The following ZNF347 variants were observed in gnomAD, a reference collection of about 807,000 sequenced individuals.
ZNF347 encodes CTD-2620I22.7.
A neutral mutation model predicts 12.9 loss-of-function variants in ZNF347; 19 were observed. The ratio of observed to expected loss-of-function variants is 1.47; its 90% CI spans 1.03 to 2.16. The LOEUF (loss-of-function observed/expected upper bound fraction) is 2.16. Among genes scored for constraint, ZNF347 ranks in the 30% most tolerant of loss-of-function variants. The probability of loss-of-function intolerance (pLI) is 0.00; values close to 1 mark genes in which losing one functional copy is unlikely to be tolerated. For missense variants in ZNF347, 1,005 were observed against 990.6 expected, an observed-to-expected ratio of 1.01 and a Z score of -0.19; for synonymous variants, 328 against 340.6, an observed-to-expected ratio of 0.96 and a Z score of 0.41.
chr19:53,145,290 G>A (rs376713038), intron 4 of ZNF347, among the ~76,000 whole-genome samples: 705 of 124,000 alleles, frequency 5.7e-3, no homozygotes, highest in Middle Eastern at 9.0e-3. Flanking sequence ...AGTCTGTCTA[G>A]AAAAAAAAAA....
intron 2 of ZNF347, 58 bp downstream of exon 2, chr19:53,153,671 CAAAG>C: frequency 6.3e-7 from 1 of 1,595,638 alleles, no homozygotes; most frequent in Non-Finnish European, 8.6e-7. Flanking sequence ...TTCCCAACTT[CAAAG>C]AATGACATTT....
chr19:53,142,212 C>A lies in ZNF347; in HGVS notation c.616G>T (p.Glu206Ter), dbSNP rs777286158. 7.4e-6 allele frequency: 12 copies of A among 1,613,552 alleles called. No individual in the cohort carries two copies. Among genetic ancestry groups the A allele is most frequent in the Non-Finnish European group, 1.0e-5 (12 of 1,179,850 alleles). The change falls in exon 5 of 5, where the codon GAA becomes TAA. Residue 206 changes from glutamate (E) to a stop codon, truncating the protein, a stop_gained. Transcript: ENST00000334197. LOFTEE classifies it low-confidence loss of function (END_TRUNC). ...AAAGACTTCTCAACCTGATTACATT[C>A]ATAAATTTTCCCTTCATATTGAAAA... The part of the protein sequence containing the change: ...QLFQYEGKIY[E>*]CNQVEKSFNN...
rs1210620007 is a variant in ZNF347 at position 53,135,212 on chromosome 19, G to A, written c.*5096C>T. Reference sequence around the variant, plus strand: ...GCTGAGATCTGAGATTTGATGGATGGTGATGTTGGAAATCTTTTTATGTGC... The same window carrying A: ...GCTGAGATCTGAGATTTGATGGATGATGATGTTGGAAATCTTTTTATGTGC... On this transcript the variant is annotated 3_prime_UTR_variant, in exon 5 of 5. Transcript: ENST00000334197. The A allele has an allele frequency of 6.6e-6, 1 of 151,426 alleles. No homozygotes were observed. The highest frequency in any genetic ancestry group is 1.5e-5 in the Non-Finnish European group (1 of 67,954). The allele number at this position is 151,426 out of a possible 1,614,324, so 9.4% of individuals were successfully genotyped here.
rs2090376960 is a variant in ZNF347 at position 53,134,962 on chromosome 19, C to T, written c.*5346G>A. The T allele has an allele frequency of 6.6e-6, 1 of 152,044 alleles. No individual in the cohort carries two copies. The highest frequency in any genetic ancestry group is 1.5e-5 in the Non-Finnish European group (1 of 68,032). 9.4% of individuals were successfully genotyped at this position (152,044 alleles called of 1,614,324 possible). A position where few individuals can be genotyped will look rare whatever the true frequency, so the allele number is the denominator to read the frequency against. On this transcript the variant is annotated 3_prime_UTR_variant, in exon 5 of 5. Transcript: ENST00000334197. ...GATCTATAAAAATATAGATTTAATA[C>T]AAAGTTACCACAATCACAATGATAT...
At chr19:53,149,212 C>A in intron 3 of ZNF347, 29 bp downstream of exon 3, 2 of 1,609,868 alleles carry the variant, frequency 1.2e-6, no homozygotes, top group East Asian at 2.2e-5. Context: ...AGGGGCAGAT[C>A]CTGACTTCTG....
chr19:53,137,615 G>A lies in ZNF347; in HGVS notation c.*2693C>T, dbSNP rs955373183. Reference sequence around the variant, plus strand: ...AGTTCAATACACTTCCTGTGGAGAGGTGACAAATTAACATTACCAAAAACA... The same window carrying A: ...AGTTCAATACACTTCCTGTGGAGAGATGACAAATTAACATTACCAAAAACA... On this transcript the variant is annotated 3_prime_UTR_variant, in exon 5 of 5. Coordinates refer to ENST00000334197, the MANE Select transcript of ZNF347 (RefSeq NM_032584.3). 5 of 152,076 alleles carry A rather than the reference G, an allele frequency of 3.3e-5. No homozygotes were observed. The highest frequency in any genetic ancestry group is 1.2e-4 in the African/African-American group (5 of 41,400). The allele number at this position is 152,076 out of a possible 1,614,324, so 9.4% of individuals were successfully genotyped here.
At chr19:53,149,787 C>T (rs533770853) in intron 2 of ZNF347, among the ~76,000 whole-genome samples, 63 of 152,192 alleles carry the variant, frequency 4.1e-4, no homozygotes, top group Non-Finnish European at 7.6e-4. Context: ...CCCGAAAGGA[C>T]AGGGCCTGAA....
rs925386003 is a variant in ZNF347 at position 53,136,075 on chromosome 19, T to C, written c.*4233A>G. 1.3e-5 allele frequency: 2 copies of C among 151,796 alleles called. No individual in the cohort carries two copies. Among genetic ancestry groups the C allele is most frequent in the South Asian group, 4.1e-4 (2 of 4,822 alleles). The allele number at this position is 151,796 out of a possible 1,614,324, so 9.4% of individuals were successfully genotyped here. On this transcript the variant is annotated 3_prime_UTR_variant, in exon 5 of 5. Coordinates refer to ENST00000334197, the MANE Select transcript of ZNF347 (RefSeq NM_032584.3). ...ATTAATATCTTGGGGACTCTCTTAT[T>C]AACTGTATTTTCATTTACTTCTCCA...
chr19:53,145,117 CCT>C (rs984043105), intron 4 of ZNF347, among the ~76,000 whole-genome samples: 30 of 151,722 alleles, frequency 2.0e-4, no homozygotes, highest in African/African-American at 7.2e-4. Flanking sequence ...ATGGTGAAAC[CCT>C]GTTTCTACTA....
rs1008109100 is a variant in ZNF347, at chr19:53,138,065, C to T, written c.*2243G>A. 2.0e-5 allele frequency: 3 copies of T among 152,150 alleles called. No homozygotes were observed. Among genetic ancestry groups the T allele is most frequent in the African/African-American group, 7.2e-5 (3 of 41,436 alleles). 9.4% of individuals were successfully genotyped at this position (152,150 alleles called of 1,614,324 possible). On this transcript the variant is annotated 3_prime_UTR_variant, in exon 5 of 5. Coordinates refer to ENST00000334197, the MANE Select transcript of ZNF347 (RefSeq NM_032584.3). ...CCCATGATCCACCCGCCTTGGCCTC[C>T]CTAAGTGCTGGGATTACAGGTGTGA...
At position 53,135,787 on chromosome 19, in the gene ZNF347, CTG is replaced by C. The variant is rs1382964107; in HGVS notation, c.*4519_*4520del. 3.3e-5 allele frequency: 5 copies of C among 152,270 alleles called. No homozygotes were observed. The highest frequency in any genetic ancestry group is 7.3e-5 in the Non-Finnish European group (5 of 68,038). The allele number at this position is 152,270 out of a possible 1,614,324, so 9.4% of individuals were successfully genotyped here. ...GTTGTTACACATAAAGCATTAATAA[CTG>C]TGATTCTTACTCTAAATGTGATTGA... On this transcript the variant is annotated 3_prime_UTR_variant, in exon 5 of 5. Coordinates refer to ENST00000334197, the MANE Select transcript of ZNF347 (RefSeq NM_032584.3).
rs1599847460 is a variant in ZNF347 at position 53,135,315 on chromosome 19, T to G, written c.*4993A>C. On this transcript the variant is annotated 3_prime_UTR_variant, in exon 5 of 5. Transcript: ENST00000334197. ...CATTTTCTAAATATATATATATATA[T>G]ATATATATATATATATATATATATA... is the stretch of plus-strand genomic sequence containing the variant. The G allele has an allele frequency of 9.7e-5, 1 of 10,262 alleles. No homozygotes were observed. Among genetic ancestry groups the G allele is most frequent in the Non-Finnish European group, 2.9e-4 (1 of 3,470 alleles). 0.6% of individuals were successfully genotyped at this position (10,262 alleles called of 1,614,324 possible).
intron 2 of ZNF347, among the ~76,000 whole-genome samples, chr19:53,149,699 G>C (rs559082453): frequency 6.6e-6 from 1 of 152,278 alleles, no homozygotes; most frequent in South Asian, 2.1e-4. Flanking sequence ...CTGAGGGGAT[G>C]GGGGCTGAAG....
chr19:53,135,335 T>TAGAGAGAG lies in ZNF347; in HGVS notation c.*4972_*4973insCTCTCTCT, dbSNP rs2090381414. 2.5e-5 allele frequency: 2 copies of TAGAGAGAG among 79,314 alleles called. No individual in the cohort carries two copies. Among genetic ancestry groups the TAGAGAGAG allele is most frequent in the Admixed American group, 1.5e-4 (1 of 6,840 alleles). 4.9% of individuals were successfully genotyped at this position (79,314 alleles called of 1,614,324 possible). ...ATATATATATATATATATATATATA[T>TAGAGAGAG]ATATAGAGAGAGAGAGAGAGAGAGA... is the stretch of plus-strand genomic sequence containing the variant. On this transcript the variant is annotated 3_prime_UTR_variant, in exon 5 of 5. Coordinates refer to ENST00000334197, the MANE Select transcript of ZNF347 (RefSeq NM_032584.3).
At chr19:53,153,590 G>A (rs2090512660) in intron 2 of ZNF347, 143 bp downstream of exon 2, 6 of 1,438,264 alleles carry the variant, frequency 4.2e-6, no homozygotes, top group South Asian at 3.5e-5. Context: ...AGTGAGATGA[G>A]AGGGACTGAG....
In ZNF347 at chr19:53,139,705, G is replaced by C. The variant is rs1426669999; in HGVS notation, c.*603C>G. ...CCTCACCTACAGTTACAGTCTTAGA[G>C]TAAGAGCTTCAGGATGCTCTTACAC... On this transcript the variant is annotated 3_prime_UTR_variant, in exon 5 of 5. Coordinates refer to ENST00000334197, the MANE Select transcript of ZNF347 (RefSeq NM_032584.3). 1 of 152,310 alleles carries C rather than the reference G, an allele frequency of 6.6e-6. No individual in the cohort carries two copies. Among genetic ancestry groups the C allele is most frequent in the Admixed American group, 6.5e-5 (1 of 15,282 alleles). 9.4% of individuals were successfully genotyped at this position (152,310 alleles called of 1,614,324 possible).
chr19:53,148,617 T>G, intron 4 of ZNF347, 64 bp downstream of exon 4: 1 of 1,523,472 alleles, frequency 6.6e-7, no homozygotes, highest in Non-Finnish European at 8.9e-7. Flanking sequence ...ACTCTCAGAT[T>G]TGCATAGAGT....
At chr19:53,156,957 G>A (rs1446796963) in intron 1 of ZNF347, among the ~76,000 whole-genome samples, 4 of 152,168 alleles carry the variant, frequency 2.6e-5, no homozygotes, top group Non-Finnish European at 5.9e-5. Context: ...GTGAGTGGAG[G>A]CGAGACACTG....
At chr19:53,154,065 A>G (rs2090515978) in intron 1 of ZNF347, among the ~76,000 whole-genome samples, 1 of 152,138 alleles carries the variant, frequency 6.6e-6, no homozygotes, top group African/African-American at 2.4e-5. Flanking sequence ...CGCTGCAGCA[A>G]TTGGGAGCTG....
Sources: allele counts gnomAD v4.1 joint callset (sites outside exome capture counted in the v4.1 genomes callset), GRCh38; gene constraint gnomAD v4.1.1; transcripts MANE v1.5; gene names NCBI Gene and HGNC (gene_info 2026-07-23, HGNC 2026-07-21).